HTR1E: variants seen among roughly 807,000 people sequenced by gnomAD.
HTR1E encodes 5-hydroxytryptamine receptor 1E.
HTR1E carries 3 observed loss-of-function variants against 3.4 expected under a neutral mutation model. That is an observed-to-expected ratio of 0.89 (90% CI 0.41 to 2.31). The LOEUF (loss-of-function observed/expected upper bound fraction) is 2.31, where lower values mean the gene tolerates loss of function less well. Among genes scored for constraint, HTR1E ranks in the 30% most tolerant of loss-of-function variants. The probability of loss-of-function intolerance (pLI) is 0.05; values close to 1 mark genes in which losing one functional copy is unlikely to be tolerated. For missense variants in HTR1E, 392 were observed against 467.0 expected (o/e 0.84, Z 1.48); for synonymous variants, 170 against 182.8 (o/e 0.93, Z 0.56).
At chr6:86,972,745 T>C (rs1055656107) in intron 1 of HTR1E, among the ~76,000 whole-genome samples, 4 of 152,170 alleles carry the variant, frequency 2.6e-5, no homozygotes, top group Admixed American at 2.6e-4. Context: ...GATATCTGTA[T>C]GAGTGTGTAT....
At chr6:86,997,845 A>G (rs575086250) in intron 1 of HTR1E, among the ~76,000 whole-genome samples, 2 of 152,004 alleles carry the variant, frequency 1.3e-5, no homozygotes, top group South Asian at 4.2e-4. Context: ...CAGGCTATCT[A>G]TAAGAAACCT....
chr6:86,988,995 A>G (rs1379425987), intron 1 of HTR1E, among the ~76,000 whole-genome samples: 2 of 152,342 alleles, frequency 1.3e-5, no homozygotes, highest in South Asian at 4.1e-4. Context: ...ATAGTGCCAT[A>G]TAAGTGTGAT....
chr6:87,014,737 G>A (rs1274544063), intron 1 of HTR1E, among the ~76,000 whole-genome samples: 2 of 151,994 alleles, frequency 1.3e-5, no homozygotes, highest in African/African-American at 4.8e-5. Flanking sequence ...TCTCACTCAC[G>A]AGTGGGAGTT....
intron 1 of HTR1E, among the ~76,000 whole-genome samples, chr6:86,947,103 C>T (rs899627349): frequency 6.0e-5 from 9 of 151,046 alleles, no homozygotes; most frequent in Non-Finnish European, 1.3e-4. Context: ...GCAACAAGAG[C>T]GAAACTCTGT....
At chr6:86,973,259 G>T (rs1316870900) in intron 1 of HTR1E, among the ~76,000 whole-genome samples, 1 of 151,972 alleles carries the variant, frequency 6.6e-6, no homozygotes, top group Non-Finnish European at 1.5e-5. Flanking sequence ...TGTTGCAATA[G>T]TCTGAGCAAG....
chr6:86,979,491 C>T (rs1767682245), intron 1 of HTR1E, among the ~76,000 whole-genome samples: 1 of 152,008 alleles, frequency 6.6e-6, no homozygotes, highest in Non-Finnish European at 1.5e-5. Context: ...TAAGTTTTGG[C>T]CTGGTTGAGA....
At chr6:86,976,575 A>G (rs888173538) in intron 1 of HTR1E, among the ~76,000 whole-genome samples, 4 of 152,226 alleles carry the variant, frequency 2.6e-5, no homozygotes, top group African/African-American at 9.6e-5. Context: ...CATCTCCAAG[A>G]TGGTGAAAGA....
intron 1 of HTR1E, among the ~76,000 whole-genome samples, chr6:86,967,603 C>T (rs1340233862): frequency 6.6e-6 from 1 of 152,062 alleles, no homozygotes; most frequent in Admixed American, 6.6e-5. Context: ...CTGACGAGGA[C>T]AGATTAAATA....
chr6:86,979,941 C>T (rs570565338), intron 1 of HTR1E, among the ~76,000 whole-genome samples: 20 of 152,152 alleles, frequency 1.3e-4, no homozygotes, highest in African/African-American at 4.3e-4. Flanking sequence ...ACCTGCAGCA[C>T]CACAGGAAAG....
At chr6:86,970,201 A>C (rs1025781923) in intron 1 of HTR1E, among the ~76,000 whole-genome samples, 10 of 152,226 alleles carry the variant, frequency 6.6e-5, no homozygotes, top group African/African-American at 2.4e-4. Flanking sequence ...GGAGCACAGC[A>C]ACATTCAATA....
At position 86,986,823 on chromosome 6, in the gene HTR1E, T is replaced by C. The variant is rs186145784; in HGVS notation, c.-185-28327T>C. ...AAATAGTGAAATTTGATTAACCCTA[T>C]TCTAGAAGGGATTGTAGTTAATGAG... On this transcript the variant is annotated intron_variant, in intron 1 of 1. Coordinates refer to ENST00000305344, the MANE Select transcript of HTR1E (RefSeq NM_000865.3). 1.7e-3 allele frequency among the ~76,000 whole-genome samples: 263 copies of C among 152,244 alleles called. 6 individuals are homozygous for C. The highest frequency in any genetic ancestry group is 5.8e-4 in the East Asian group (3 of 5,182).
At chr6:87,012,268 C>T (rs1322343512) in intron 1 of HTR1E, among the ~76,000 whole-genome samples, 1 of 152,110 alleles carries the variant, frequency 6.6e-6, no homozygotes, top group African/African-American at 2.4e-5. Context: ...GAGAAAGTCT[C>T]AAGCATGAGA....
At chr6:87,005,734 T>C (rs544440775) in intron 1 of HTR1E, among the ~76,000 whole-genome samples, 4 of 152,218 alleles carry the variant, frequency 2.6e-5, no homozygotes, top group East Asian at 1.9e-4. Flanking sequence ...AGTGAACAAA[T>C]TGGATCTTGT....
chr6:86,994,897 C>T (rs1338903298), intron 1 of HTR1E, among the ~76,000 whole-genome samples: 1 of 151,884 alleles, frequency 6.6e-6, no homozygotes, highest in East Asian at 1.9e-4. Flanking sequence ...GAACTGGAAA[C>T]TGGTAACACC....
intron 1 of HTR1E, among the ~76,000 whole-genome samples, chr6:86,943,129 C>T (rs1304009660): frequency 6.6e-6 from 1 of 152,050 alleles, no homozygotes; most frequent in Non-Finnish European, 1.5e-5. Context: ...TTACTATTAC[C>T]ACATAGTCCT....
chr6:86,977,438 G>A (rs553520738), intron 1 of HTR1E, among the ~76,000 whole-genome samples: 1 of 152,222 alleles, frequency 6.6e-6, no homozygotes, highest in South Asian at 2.1e-4. Context: ...ACAATTGATG[G>A]GCACCTAAGG....
chr6:86,974,117 T>C (rs1767597063), intron 1 of HTR1E, among the ~76,000 whole-genome samples: 1 of 152,222 alleles, frequency 6.6e-6, no homozygotes, highest in Non-Finnish European at 1.5e-5. Context: ...TTTTACCTTT[T>C]TCATGTATGT....
intron 1 of HTR1E, among the ~76,000 whole-genome samples, chr6:87,006,097 T>C (rs748601722): frequency 6.6e-5 from 10 of 152,098 alleles, no homozygotes; most frequent in South Asian, 4.1e-4. Flanking sequence ...TGGTGAAGAA[T>C]TGGAGAAAAT....
intron 1 of HTR1E, among the ~76,000 whole-genome samples, chr6:86,975,382 T>G (rs1466873265): frequency 6.6e-6 from 1 of 152,136 alleles, no homozygotes; most frequent in Non-Finnish European, 1.5e-5. Flanking sequence ...ATAAATATCC[T>G]CCTTATTCCA....
Sources: allele counts gnomAD v4.1 joint callset (sites outside exome capture counted in the v4.1 genomes callset), GRCh38; gene constraint gnomAD v4.1.1; transcripts MANE v1.5; gene names NCBI Gene and HGNC (gene_info 2026-07-23, HGNC 2026-07-21).